NUP88: variants seen among roughly 807,000 people sequenced by gnomAD.
NUP88 encodes the protein nucleoporin 88, also known as nuclear pore complex protein Nup88.
NUP88 carries 57 observed loss-of-function variants against 93.9 expected under a neutral mutation model. The observed-to-expected ratio is 0.61, with a 90% confidence interval of 0.49 to 0.76. The LOEUF (loss-of-function observed/expected upper bound fraction) is 0.76, where lower values mean the gene tolerates loss of function less well. Ranked by LOEUF, NUP88 falls within the 30% of genes least tolerant of loss-of-function variation. The pLI, the probability that NUP88 is intolerant of heterozygous loss-of-function variation, is 0.00. For missense variants in NUP88, 911 were observed against 901.0 expected (o/e 1.01, Z -0.14); for synonymous variants, 346 against 336.8 (o/e 1.03, Z -0.30).
chr17:5,414,050 C>T lies in NUP88; in HGVS notation c.552G>A (p.Leu184=), dbSNP rs1270107127. 6.2e-7 allele frequency: 1 copy of T among 1,613,964 alleles called. No individual in the cohort carries two copies. Among genetic ancestry groups the T allele is most frequent in the Admixed American group, 1.7e-5 (1 of 60,018 alleles). The change falls in exon 3 of 17, where the codon CTG becomes CTA. Residue 184 remains leucine (L), a synonymous_variant. Transcript: ENST00000573584. ...ATGTTAACAGCACTACGTGGGGATCCAGGATTTCACTTGGATACCATGCAG... is the reference window on the plus strand; with the variant it reads ...ATGTTAACAGCACTACGTGGGGATCTAGGATTTCACTTGGATACCATGCAG... ...KHAAWYPSEI[L]DPHVVLLTSD...
chr17:5,392,881 G>A (rs752695100), intron 9 of NUP88, among the ~76,000 whole-genome samples: 13 of 151,928 alleles, frequency 8.6e-5, no homozygotes, highest in East Asian at 5.8e-4. Flanking sequence ...CCTTGACCTC[G>A]TGGGCTCAAA....
chr17:5,392,127 A>G (rs977545724), intron 9 of NUP88, among the ~76,000 whole-genome samples: 1 of 152,222 alleles, frequency 6.6e-6, no homozygotes, highest in Non-Finnish European at 1.5e-5. Flanking sequence ...CAGTGAAGAC[A>G]CTGGAAACTG....
chr17:5,387,523 CTAA>C (rs1912093470), intron 13 of NUP88, 57 bp from the exon 14 acceptor site: 1 of 1,589,902 alleles, frequency 6.3e-7, no homozygotes, highest in African/African-American at 1.3e-5. Flanking sequence ...CTGAAACCAC[CTAA>C]TGTGGCTCAG....
At position 5,386,236 on chromosome 17, in the gene NUP88, G is replaced by GTA; in HGVS notation, c.2195_2196insTA (p.Asn733ThrfsTer8). On this transcript the variant is annotated frameshift_variant, in exon 17 of 17. Transcript: ENST00000573584. LOFTEE classifies it high-confidence loss of function. ...AGTTTACATGATTGCGGATATCATT[G>GTA]ATTTGCTTCACCATTTCCCTTATAT... The GTA allele has an allele frequency of 6.2e-7, 1 of 1,613,334 alleles. No individual in the cohort carries two copies. Among genetic ancestry groups the GTA allele is most frequent in the Non-Finnish European group, 8.5e-7 (1 of 1,179,696 alleles).
At chr17:5,400,139 T>TAAAAAAAAAAAAAAAAAAAAAA (rs199804588) in intron 7 of NUP88, among the ~76,000 whole-genome samples, 3 of 111,650 alleles carry the variant, frequency 2.7e-5, no homozygotes, top group Non-Finnish European at 5.2e-5. Flanking sequence ...CTTTCATTTG[T>TAAAAAAAAAAAAAAAAAAAAAA]TAAAAAAAAA....
At chr17:5,406,641 G>A (rs984435473) in intron 5 of NUP88, among the ~76,000 whole-genome samples, 4 of 152,118 alleles carry the variant, frequency 2.6e-5, no homozygotes, top group African/African-American at 9.7e-5. Context: ...CTGAAGCAGG[G>A]ACAGAGGAAT....
At chr17:5,396,685 A>G (rs1912797311) in intron 8 of NUP88, among the ~76,000 whole-genome samples, 1 of 152,362 alleles carries the variant, frequency 6.6e-6, no homozygotes, top group East Asian at 1.9e-4. Flanking sequence ...AACTCTATGA[A>G]TAATCATTTG....
rs570382593 is a variant in NUP88 at position 5,391,923 on chromosome 17, A to T, written c.1383-261T>A. ...TGTAATCTCAAAAGTTACACGTTAC[A>T]CTGAAGATCTCTCCAACTTGCACAT... On this transcript the variant is annotated intron_variant, in intron 9 of 16. Coordinates refer to ENST00000573584, the MANE Select transcript of NUP88 (RefSeq NM_002532.6). 4.1e-4 allele frequency among the ~76,000 whole-genome samples: 50 copies of T among 122,392 alleles called. No individual in the cohort carries two copies. In the East Asian group the frequency reaches 0.027, roughly 67 times the overall value. The allele number at this position is 122,392 out of a possible 152,430, so 80.3% of individuals were successfully genotyped here. A position where few individuals can be genotyped will look rare whatever the true frequency, so the allele number is the denominator to read the frequency against.
intron 3 of NUP88, 43 bp downstream of exon 3, chr17:5,413,966 C>T (rs1413116985): frequency 1.2e-6 from 2 of 1,602,982 alleles, no homozygotes; most frequent in African/African-American, 1.3e-5. Context: ...AGAAACAGAG[C>T]TTTCCCACTC....
chr17:5,386,842 A>G lies in NUP88; in HGVS notation c.2044-16T>C. The G allele has an allele frequency of 1.3e-6, 2 of 1,595,444 alleles. No individual in the cohort carries two copies. The highest frequency in any genetic ancestry group is 8.6e-7 in the Non-Finnish European group (1 of 1,163,472). On this transcript the variant is annotated splice_polypyrimidine_tract_variant and intron_variant, in intron 15 of 16. Transcript: ENST00000573584. ...TCATAGTAACCTTAAGTATTAAAAT[A>G]ATAGATATTTTGGCAGTGGTTTGCC...
At chr17:5,393,756 T>TG (rs1912597941) in intron 9 of NUP88, among the ~76,000 whole-genome samples, 1 of 152,212 alleles carries the variant, frequency 6.6e-6, no homozygotes, top group Admixed American at 6.5e-5. Flanking sequence ...CTTTTCAAGC[T>TG]GGTACAGTTT....
At chr17:5,393,438 T>TC (rs1363304588) in intron 9 of NUP88, among the ~76,000 whole-genome samples, 4 of 140,622 alleles carry the variant, frequency 2.8e-5, no homozygotes, top group African/African-American at 1.1e-4. Flanking sequence ...CACTTTTCTT[T>TC]TTTTTTTTTT....
At position 5,416,509 on chromosome 17, in the gene NUP88, T is replaced by C; in HGVS notation, c.467+4A>G. The C allele has an allele frequency of 6.3e-7, 1 of 1,599,012 alleles. No homozygotes were observed. The highest frequency in any genetic ancestry group is 8.5e-7 in the Non-Finnish European group (1 of 1,171,158). ...ATTATACAGATAAATAGTATACAACTTACCTACAATTCACTGTTGATTTTC... is the reference window on the plus strand; with the variant it reads ...ATTATACAGATAAATAGTATACAACCTACCTACAATTCACTGTTGATTTTC... On this transcript the variant is annotated splice_donor_region_variant and intron_variant, in intron 2 of 16. Transcript: ENST00000573584.
At chr17:5,408,589 T>G in intron 5 of NUP88, 144 bp downstream of exon 5, 1 of 597,428 alleles carries the variant, frequency 1.7e-6, no homozygotes, top group East Asian at 3.0e-5. Context: ...GTACTAACTC[T>G]TTCTCAAAAA....
At chr17:5,413,477 G>A (rs977635607) in intron 3 of NUP88, among the ~76,000 whole-genome samples, 2 of 152,150 alleles carry the variant, frequency 1.3e-5, no homozygotes, top group East Asian at 3.8e-4. Flanking sequence ...TTTTACATAA[G>A]GCCGATCCAG....
chr17:5,419,428 C>T lies in NUP88; in HGVS notation c.223G>A (p.Asp75Asn), dbSNP rs776894027. ...AGGCGAACGACTAAGAAGGAGCTGT[C>T]TTCTCCGTCCCACAGGAAAAGCTCT... is the stretch of plus-strand genomic sequence containing the variant. ...GGELFLWDGEDSSFLVVRLRG... is the reference protein window; with the variant it reads ...GGELFLWDGENSSFLVVRLRG... The change falls in exon 1 of 17, where the codon GAC (aspartate) becomes AAC (asparagine). Residue 75 changes from aspartate to asparagine, a missense_variant. Asp to Asn is a conservative substitution (Grantham distance 23, BLOSUM62 1). Transcript: ENST00000573584. The T allele has an allele frequency of 6.2e-7, 1 of 1,613,846 alleles. No individual in the cohort carries two copies.
intron 11 of NUP88, 122 bp from the exon 12 acceptor site, chr17:5,388,026 A>C (rs1289232036): frequency 9.8e-7 from 1 of 1,016,852 alleles, no homozygotes; most frequent in Non-Finnish European, 1.4e-6. Context: ...TTTGAGATGC[A>C]GTCTCGCTCT....
intron 4 of NUP88, 137 bp downstream of exon 4, chr17:5,410,566 A>C: frequency 1.6e-6 from 1 of 621,842 alleles, no homozygotes; most frequent in Admixed American, 2.7e-5. Context: ...TCCCTGTTCT[A>C]CTAAAAATAC....
At chr17:5,393,741 G>A (rs1052258753) in intron 9 of NUP88, among the ~76,000 whole-genome samples, 10 of 152,164 alleles carry the variant, frequency 6.6e-5, no homozygotes, top group African/African-American at 1.9e-4. Context: ...TGGTTTCACT[G>A]TTCACTTTTC....
Sources: gnomAD v4.1 joint callset for allele counts (sites outside exome capture counted in the v4.1 genomes callset) on GRCh38, gnomAD v4.1.1 for gene constraint, MANE v1.5 for transcripts, NCBI Gene and HGNC (gene_info 2026-07-23, HGNC 2026-07-21) for gene names.